Variants in H2AZ2 observed in about 807,000 individuals in gnomAD.
H2AZ2 encodes the protein histone H2A.V.
In H2AZ2, 5 loss-of-function variants were observed where a neutral mutation model predicts 15.5. That is an observed-to-expected ratio of 0.32 (90% CI 0.17 to 0.68). The LOEUF (loss-of-function observed/expected upper bound fraction) is 0.68, where lower values mean the gene tolerates loss of function less well. Among genes scored for constraint, H2AZ2 ranks in the 30% least tolerant of loss-of-function variants. The pLI is 0.72. For synonymous variants in H2AZ2, 44 were observed against 57.4 expected (o/e 0.77, Z 1.05); for missense variants, 42 against 162.5 (o/e 0.26, Z 4.03).
At chr7:44,847,087 G>A (rs1445938246) in intron 1 of H2AZ2, among the ~76,000 whole-genome samples, 1 of 152,196 alleles carries the variant, frequency 6.6e-6, no homozygotes, top group Non-Finnish European at 1.5e-5. Context: ...TTTTAAGCAG[G>A]TAGCTCCCGT....
chr7:44,838,683 C>G (rs1160164374), intron 3 of H2AZ2, among the ~76,000 whole-genome samples: 1 of 152,036 alleles, frequency 6.6e-6, no homozygotes, highest in Non-Finnish European at 1.5e-5. Flanking sequence ...ACCCCAAAAA[C>G]AAAACACCCC....
At position 44,848,032 on chromosome 7, in the gene H2AZ2, GCCGCCGCCGCTCTCGCAGCACCGA is replaced by G; in HGVS notation, c.-85_-62del. The stretch of plus-strand genomic sequence containing the variant: ...CGCCCTCCCGCTGCCGACCCGCGCC[GCCGCCGCCGCTCTCGCAGCACCGA>G]CCGCCGCCGCCGGAGCCGGACAATA... On this transcript the variant is annotated 5_prime_UTR_variant, in exon 1 of 5. Transcript: ENST00000308153. 4 of 1,116,660 alleles carry G rather than the reference GCCGCCGCCGCTCTCGCAGCACCGA, an allele frequency of 3.6e-6. No homozygotes were observed. In the South Asian group the frequency reaches 9.3e-5, roughly 26 times the overall value. 69.2% of individuals were successfully genotyped at this position (1,116,660 alleles called of 1,614,324 possible). A position where few individuals can be genotyped will look rare whatever the true frequency, so the allele number is the denominator to read the frequency against.
rs3801402 is a variant in H2AZ2 at position 44,838,933 on chromosome 7, C to T, written c.195+1966G>A. Among the ~76,000 whole-genome samples the T allele has an allele frequency of 2.0e-3, 308 of 152,304 alleles. 7 individuals carry two copies. The East Asian group carries it at 0.046, about 23-fold the overall frequency. On this transcript the variant is annotated intron_variant, in intron 3 of 4. Coordinates refer to ENST00000308153, the MANE Select transcript of H2AZ2 (RefSeq NM_012412.5). Reference sequence around the variant, plus strand: ...CTTGACCTACTTGTTACTCAAATTACTTCCCCAATCTGGAATGTAGCTGAA... The same window carrying T: ...CTTGACCTACTTGTTACTCAAATTATTTCCCCAATCTGGAATGTAGCTGAA...
chr7:44,846,062 C>CACACACACACAGAGAG (rs57468916), intron 1 of H2AZ2, among the ~76,000 whole-genome samples: 74 of 75,150 alleles, frequency 9.8e-4, no homozygotes, highest in Admixed American at 5.0e-3. Context: ...CACACACACA[C>CACACACACACAGAGAG]AGAGAGAGAC....
At position 44,833,053 on chromosome 7, in the gene H2AZ2, G is replaced by C. The variant is rs1462422855; in HGVS notation, c.*1448C>G. 6.6e-6 allele frequency among the ~76,000 whole-genome samples: 1 copy of C among 151,766 alleles called. No individual in the cohort carries two copies. Among genetic ancestry groups the C allele is most frequent in the Non-Finnish European group, 1.5e-5 (1 of 67,942 alleles). ...TGACTAAGAGACTACTAAAAGTTGG[G>C]ATTTTTTTTTTTGAGACAGAGTCAC... is the stretch of plus-strand genomic sequence containing the variant. On this transcript the variant is annotated 3_prime_UTR_variant, in exon 5 of 5. Transcript: ENST00000308153.
Position 44,835,672 on chromosome 7 carries a change from A to G in H2AZ2, c.196-14T>C. On this transcript the variant is annotated splice_polypyrimidine_tract_variant and intron_variant, in intron 3 of 4. Coordinates refer to ENST00000308153, the MANE Select transcript of H2AZ2 (RefSeq NM_012412.5). ...CAGCTCCAGCACCTACAAAGCATCC[A>G]TGATTAGCATATCAAATGAAGGACC... 1 of 1,565,556 alleles carries G rather than the reference A, an allele frequency of 6.4e-7. No homozygotes were observed. Among genetic ancestry groups the G allele is most frequent in the East Asian group, 2.3e-5 (1 of 44,078 alleles).
intron 1 of H2AZ2, among the ~76,000 whole-genome samples, chr7:44,846,388 G>C (rs12702095): frequency 0.72 from 109,756 of 151,988 alleles, 43,382 homozygotes; most frequent in Non-Finnish European, 0.9. Context: ...CAGGCCGAGG[G>C]GGGCGGATCA....
intron 3 of H2AZ2, among the ~76,000 whole-genome samples, chr7:44,836,540 T>G (rs1319611987): frequency 6.6e-6 from 1 of 151,636 alleles, no homozygotes; most frequent in Non-Finnish European, 1.5e-5. Context: ...TTTTTTGAGA[T>G]GGAGTCTTGC....
chr7:44,831,533 C>G (rs1019099137), downstream of H2AZ2, among the ~76,000 whole-genome samples: 1 of 151,752 alleles, frequency 6.6e-6, no homozygotes, highest in Non-Finnish European at 1.5e-5. Flanking sequence ...ATTGCACTCC[C>G]CCCCCCGCTT....
At position 44,832,249 on chromosome 7, in the gene H2AZ2, C is replaced by T. The variant is rs567610863; in HGVS notation, c.*2252G>A. Among the ~76,000 whole-genome samples the T allele has an allele frequency of 6.6e-5, 10 of 152,186 alleles. No homozygotes were observed. The highest frequency in any genetic ancestry group is 2.4e-4 in the African/African-American group (10 of 41,528). On this transcript the variant is annotated 3_prime_UTR_variant, in exon 5 of 5. Coordinates refer to ENST00000308153, the MANE Select transcript of H2AZ2 (RefSeq NM_012412.5). ...AGTTTGAATATTGACTGGTACTTGG[C>T]ATCAAAAAATGTTTTAGCAGTCTTA...
Position 44,835,316 on chromosome 7 carries a change from T to G in H2AZ2, c.325+213A>C, listed in dbSNP as rs1022002997. On this transcript the variant is annotated intron_variant, in intron 4 of 4. Transcript: ENST00000308153. ...ATCATATGAAATTTAGACAAAGAAC[T>G]GGCTAAAATAAAAATAGCATTACAT... The G allele has an allele frequency of 6.9e-6, 3 of 437,614 alleles. No homozygotes were observed. In the South Asian group the frequency reaches 2.2e-4, roughly 32 times the overall value. The allele number at this position is 437,614 out of a possible 1,614,324, so 27.1% of individuals were successfully genotyped here.
Position 44,848,051 on chromosome 7 carries a change from C to G in H2AZ2, c.-80G>C. The G allele has an allele frequency of 1.1e-6, 1 of 918,856 alleles. No homozygotes were observed. Among genetic ancestry groups the G allele is most frequent in the Non-Finnish European group, 1.4e-6 (1 of 703,426 alleles). The allele number at this position is 918,856 out of a possible 1,614,324, so 56.9% of individuals were successfully genotyped here. A position where few individuals can be genotyped will look rare whatever the true frequency, so the allele number is the denominator to read the frequency against. On this transcript the variant is annotated 5_prime_UTR_variant, in exon 1 of 5. Transcript: ENST00000308153. Reference sequence around the variant, plus strand: ...CGCGCCGCCGCCGCCGCTCTCGCAGCACCGACCGCCGCCGCCGGAGCCGGA... The same window carrying G: ...CGCGCCGCCGCCGCCGCTCTCGCAGGACCGACCGCCGCCGCCGGAGCCGGA...
chr7:44,830,036 G>T, downstream of H2AZ2: 2 of 983,004 alleles, frequency 2.0e-6, no homozygotes, highest in Non-Finnish European at 3.1e-6. Flanking sequence ...TCCTTGTTCA[G>T]CACATTCGGG....
intron 4 of H2AZ2, 40 bp from the exon 5 acceptor site, chr7:44,834,602 G>A: frequency 6.5e-7 from 1 of 1,543,206 alleles, no homozygotes; most frequent in Admixed American, 1.8e-5. Flanking sequence ...AACTTTTAAA[G>A]TTTTTGCCTC....
intron 1 of H2AZ2, among the ~76,000 whole-genome samples, chr7:44,846,024 T>C (rs997702476): frequency 7.5e-6 from 1 of 132,754 alleles, no homozygotes; most frequent in Non-Finnish European, 1.6e-5. Flanking sequence ...TTTAAAAAAT[T>C]ACACACACAC....
At chr7:44,834,623 T>C in intron 4 of H2AZ2, 61 bp from the exon 5 acceptor site, 1 of 1,423,710 alleles carries the variant, frequency 7.0e-7, no homozygotes. Context: ...AAGTAAAAAG[T>C]TAATTATAGA....
intron 3 of H2AZ2, among the ~76,000 whole-genome samples, chr7:44,835,955 C>CTT (rs56386314): frequency 7.9e-4 from 72 of 90,856 alleles, no homozygotes; most frequent in East Asian, 2.8e-3. Flanking sequence ...TTAGAAAAGT[C>CTT]TTTTTTTTTT....
intron 1 of H2AZ2, among the ~76,000 whole-genome samples, chr7:44,847,761 T>C (rs1793449048): frequency 6.6e-6 from 1 of 152,152 alleles, no homozygotes; most frequent in Admixed American, 6.5e-5. Flanking sequence ...CTTCGCGCTC[T>C]ACCCGGCCAG....
downstream of H2AZ2, chr7:44,830,290 GTA>G (rs1362858402): frequency 1.2e-6 from 1 of 868,144 alleles, no homozygotes; most frequent in African/African-American, 1.7e-5. Context: ...TAGGTGGTGA[GTA>G]TAAGAATTCA....
Sources: allele counts gnomAD v4.1 joint callset (sites outside exome capture counted in the v4.1 genomes callset), GRCh38; gene constraint gnomAD v4.1.1; transcripts MANE v1.5; gene names NCBI Gene and HGNC (gene_info 2026-07-23, HGNC 2026-07-21).